Variants in GULP1 observed in about 807,000 individuals in gnomAD.
GULP1 encodes the protein PTB domain-containing engulfment adapter protein 1.
In GULP1, 19 loss-of-function variants were observed where a neutral mutation model predicts 40.9. The observed-to-expected ratio is 0.46, with a 90% CI of 0.32 to 0.68. The LOEUF is 0.68. Ranked by LOEUF, GULP1 falls within the 30% of genes least tolerant of loss-of-function variation. The pLI is 0.03. For synonymous variants in GULP1, 119 were observed against 117.6 expected (o/e 1.01, Z -0.08); for missense variants, 312 against 362.2 (o/e 0.86, Z 1.12).
intron 9 of GULP1, among the ~76,000 whole-genome samples, chr2:188,578,891 A>T (rs1700705781): frequency 6.6e-6 from 1 of 152,148 alleles, no homozygotes; most frequent in Non-Finnish European, 1.5e-5. Flanking sequence ...ACTTTAACAC[A>T]TAAACATCCT....
intron 1 of GULP1, among the ~76,000 whole-genome samples, chr2:188,351,087 A>G (rs1055774968): frequency 1.3e-5 from 2 of 152,170 alleles, no homozygotes; most frequent in African/African-American, 4.8e-5. Context: ...TTCTTTTAAA[A>G]AATGGTTGGA....
chr2:188,346,477 C>CT (rs1012591232), intron 1 of GULP1, among the ~76,000 whole-genome samples: 18 of 151,022 alleles, frequency 1.2e-4, no homozygotes, highest in South Asian at 8.5e-4. Flanking sequence ...ACAATAATCT[C>CT]TTTTTTTTTC....
intron 5 of GULP1, among the ~76,000 whole-genome samples, chr2:188,523,742 T>C (rs921956490): frequency 1.3e-5 from 2 of 152,184 alleles, no homozygotes; most frequent in Non-Finnish European, 2.9e-5. Context: ...GAGAATATCA[T>C]ATCTGGTGGA....
intron 2 of GULP1, among the ~76,000 whole-genome samples, chr2:188,425,965 C>T (rs7561448): frequency 0.28 from 42,887 of 151,916 alleles, 7,486 homozygotes; most frequent in African/African-American, 0.5. Context: ...TTATTCTGAG[C>T]CAAATATGAG....
intron 1 of GULP1, chr2:188,297,737 A>G (rs1211444536): frequency 4.8e-6 from 1 of 206,496 alleles, no homozygotes; most frequent in Non-Finnish European, 1.0e-5. Context: ...TTATAGCTGT[A>G]TAATATTTCA....
intron 2 of GULP1, chr2:188,384,364 C>A (rs1214781274): frequency 6.6e-6 from 1 of 152,112 alleles, no homozygotes; most frequent in East Asian, 1.9e-4. Context: ...TTTTGTGAGA[C>A]CCACTCACTA....
At chr2:188,556,054 T>C (rs1392550330) in intron 7 of GULP1, among the ~76,000 whole-genome samples, 1 of 147,872 alleles carries the variant, frequency 6.8e-6, no homozygotes, top group African/African-American at 2.5e-5. Flanking sequence ...TGAGACTCTG[T>C]CTCAAAAAAA....
chr2:188,550,293 A>C (rs546303857), intron 7 of GULP1, among the ~76,000 whole-genome samples: 167 of 151,782 alleles, frequency 1.1e-3, no homozygotes, highest in South Asian at 9.3e-3. Context: ...TAGAAACAGA[A>C]TTTGAACTTA....
At chr2:188,529,292 G>A in intron 6 of GULP1, 97 bp downstream of exon 6, 1 of 613,232 alleles carries the variant, frequency 1.6e-6, no homozygotes, top group Non-Finnish European at 2.8e-6. Context: ...ACCCTGAACT[G>A]TTTAGTTCTG....
chr2:188,356,356 C>T (rs1048001347), intron 1 of GULP1, among the ~76,000 whole-genome samples: 1 of 152,024 alleles, frequency 6.6e-6, no homozygotes, highest in Non-Finnish European at 1.5e-5. Flanking sequence ...CATATGAAAT[C>T]AGCACTCAAA....
At chr2:188,404,649 G>A (rs1228594918) in intron 2 of GULP1, among the ~76,000 whole-genome samples, 1 of 152,150 alleles carries the variant, frequency 6.6e-6, no homozygotes, top group Non-Finnish European at 1.5e-5. Flanking sequence ...TTTATCTCTG[G>A]GCCCACCCCG....
intron 4 of GULP1, among the ~76,000 whole-genome samples, chr2:188,508,883 C>A (rs1331436960): frequency 2.9e-5 from 1 of 34,500 alleles, no homozygotes; most frequent in Non-Finnish European, 2.0e-4. Context: ...ACTTTACCCA[C>A]ACAATTTTTT....
intron 1 of GULP1, among the ~76,000 whole-genome samples, chr2:188,355,646 GA>G (rs1190219376): frequency 6.6e-6 from 1 of 151,938 alleles, no homozygotes; most frequent in Non-Finnish European, 1.5e-5. Flanking sequence ...AAAAATTGAA[GA>G]GGAGAAAATT....
intron 7 of GULP1, among the ~76,000 whole-genome samples, chr2:188,553,766 G>A (rs987268272): frequency 3.9e-5 from 6 of 151,968 alleles, no homozygotes; most frequent in African/African-American, 1.4e-4. Flanking sequence ...ATTTTATTGT[G>A]AATCCATCTA....
At chr2:188,488,212 G>C (rs1254052776) in intron 4 of GULP1, among the ~76,000 whole-genome samples, 2 of 151,960 alleles carry the variant, frequency 1.3e-5, no homozygotes, top group Non-Finnish European at 2.9e-5. Context: ...CAACTCCACT[G>C]ATTCTACCAG....
chr2:188,558,397 G>A (rs188764506), intron 7 of GULP1, among the ~76,000 whole-genome samples: 1,541 of 152,042 alleles, frequency 0.01, 19 homozygotes, highest in Admixed American at 0.035. Context: ...AGTGCTTTTC[G>A]CCTCCTGCCA....
chr2:188,428,813 A>T (rs2056524588), intron 2 of GULP1, among the ~76,000 whole-genome samples: 1 of 152,144 alleles, frequency 6.6e-6, no homozygotes, highest in Admixed American at 6.5e-5. Flanking sequence ...GAGAATGACT[A>T]ATTCAGAGAG....
At chr2:188,529,272 AT>A in intron 6 of GULP1, 77 bp downstream of exon 6, 1 of 748,810 alleles carries the variant, frequency 1.3e-6, no homozygotes, top group South Asian at 1.8e-5. Context: ...AATATTTAAA[AT>A]TTTTTGCCAC....
intron 2 of GULP1, among the ~76,000 whole-genome samples, chr2:188,388,564 A>G (rs1169131828): frequency 1.3e-5 from 2 of 151,932 alleles, no homozygotes; most frequent in Non-Finnish European, 2.9e-5. Flanking sequence ...AAAAACAAAA[A>G]ACAAAAAGAA....
Sources: allele counts gnomAD v4.1 joint callset (sites outside exome capture counted in the v4.1 genomes callset), GRCh38; gene constraint gnomAD v4.1.1; transcripts MANE v1.5; gene names NCBI Gene and HGNC (gene_info 2026-07-23, HGNC 2026-07-21).